Variants in KLF12 observed in about 807,000 individuals in gnomAD.
KLF12 encodes the protein Krueppel-like factor 12.
Under a neutral mutation model 37.8 loss-of-function variants are expected in KLF12, and 9 were observed. That is an observed-to-expected ratio of 0.24 (90% CI 0.14 to 0.42). The LOEUF (loss-of-function observed/expected upper bound fraction) is 0.42, where lower values mean the gene tolerates loss of function less well. Ranked by LOEUF, KLF12 falls within the 10% of genes least tolerant of loss-of-function variation. The pLI, the probability that KLF12 is intolerant of heterozygous loss-of-function variation, is 1.00. For synonymous variants in KLF12, 208 were observed against 202.1 expected (o/e 1.03, Z -0.25); for missense variants, 411 against 516.0 (o/e 0.80, Z 1.97).
chr13:73,969,993 G>A (rs991881371), intron 2 of KLF12, among the ~76,000 whole-genome samples: 1 of 152,100 alleles, frequency 6.6e-6, no homozygotes, highest in African/African-American at 2.4e-5. Flanking sequence ...ATCCCACAGT[G>A]CTTAGTTAGG....
chr13:74,121,905 C>G (rs9592971), intron 1 of KLF12, among the ~76,000 whole-genome samples: 18,939 of 151,960 alleles, frequency 0.12, 1,339 homozygotes, highest in South Asian at 0.18. Context: ...GCTGCTGATA[C>G]AATGGTATGT....
chr13:73,977,777 T>C (rs74327695), intron 2 of KLF12, among the ~76,000 whole-genome samples: 12,725 of 152,214 alleles, frequency 0.084, 772 homozygotes, highest in Admixed American at 0.18. Flanking sequence ...AACAAACAAA[T>C]AGATTAGTGG....
chr13:74,199,647 C>T, the KLF12 span, among the ~76,000 whole-genome samples: 2 of 152,198 alleles, frequency 1.3e-5, no homozygotes, highest in South Asian at 2.1e-4. Flanking sequence ...AACTTTATTG[C>T]CCAATATTTT....
chr13:74,135,893 C>T (rs1324916673), upstream of KLF12, among the ~76,000 whole-genome samples: 1 of 152,190 alleles, frequency 6.6e-6, no homozygotes, highest in Non-Finnish European at 1.5e-5. Context: ...CAGCTGGGCT[C>T]CCCATCGGTG....
At chr13:74,290,844 T>A in the KLF12 span, among the ~76,000 whole-genome samples, 1 of 152,262 alleles carries the variant, frequency 6.6e-6, no homozygotes, top group Non-Finnish European at 1.5e-5. Flanking sequence ...TGCCATTGGA[T>A]GCTAGCTCCG....
intron 1 of KLF12, among the ~76,000 whole-genome samples, chr13:74,108,750 T>C (rs566576169): frequency 3.3e-5 from 5 of 152,302 alleles, no homozygotes; most frequent in Admixed American, 2.6e-4. Flanking sequence ...ATATTTACTA[T>C]TGATTAAGTG....
intron 4 of KLF12, among the ~76,000 whole-genome samples, chr13:73,829,027 G>C (rs1402887253): frequency 6.6e-6 from 1 of 152,114 alleles, no homozygotes; most frequent in Non-Finnish European, 1.5e-5. Flanking sequence ...CCACCACCGA[G>C]TATACTGCCC....
At chr13:74,153,112 G>A in the KLF12 span, among the ~76,000 whole-genome samples, 1 of 148,892 alleles carries the variant, frequency 6.7e-6, no homozygotes, top group African/African-American at 2.5e-5. Flanking sequence ...GAAAATTTGG[G>A]TGTTAAAGAC....
rs1452731938 is a variant in KLF12, at chr13:73,691,043, C to T, written c.*4447G>A. The T allele has an allele frequency of 2.0e-4, 31 of 152,572 alleles. No homozygotes were observed. Among genetic ancestry groups the T allele is most frequent in the Admixed American group, 1.8e-3 (27 of 15,274 alleles). 9.5% of individuals were successfully genotyped at this position (152,572 alleles called of 1,614,324 possible). A position where few individuals can be genotyped will look rare whatever the true frequency, so the allele number is the denominator to read the frequency against. On this transcript the variant is annotated 3_prime_UTR_variant, in exon 8 of 8. Transcript: ENST00000377669. ...ACATTTCTTAACTATAAAATGCAGG[C>T]AGAGTCATATATAGTATTATAAGCC... is the stretch of plus-strand genomic sequence containing the variant.
chr13:73,949,151 G>A (rs1395759713), intron 2 of KLF12, among the ~76,000 whole-genome samples: 2 of 152,106 alleles, frequency 1.3e-5, no homozygotes, highest in East Asian at 3.9e-4. Flanking sequence ...CAGTGAGTGT[G>A]ACCCCAAGCC....
intron 3 of KLF12, among the ~76,000 whole-genome samples, chr13:73,850,511 C>T (rs745377662): frequency 7.9e-5 from 12 of 152,058 alleles, no homozygotes; most frequent in Non-Finnish European, 1.6e-4. Context: ...AAATGATGGT[C>T]GTATATTTTA....
At chr13:74,148,530 G>A in the KLF12 span, among the ~76,000 whole-genome samples, 12 of 133,424 alleles carry the variant, frequency 9.0e-5, no homozygotes, top group Admixed American at 3.4e-4. Context: ...ATCTGCATTG[G>A]CTAAGGTCAA....
the KLF12 span, among the ~76,000 whole-genome samples, chr13:74,250,667 G>A: frequency 2.6e-5 from 4 of 151,934 alleles, no homozygotes; most frequent in South Asian, 2.1e-4. Flanking sequence ...TATCGAACAC[G>A]CCAATGACTG....
At chr13:74,093,784 C>T (rs1053892868) in intron 1 of KLF12, among the ~76,000 whole-genome samples, 2 of 151,532 alleles carry the variant, frequency 1.3e-5, no homozygotes, top group Admixed American at 1.3e-4. Context: ...GATCATTTCT[C>T]TAGGTAAGTA....
chr13:73,750,334 G>A (rs1878656319), intron 6 of KLF12, among the ~76,000 whole-genome samples: 1 of 152,088 alleles, frequency 6.6e-6, no homozygotes, highest in African/African-American at 2.4e-5. Flanking sequence ...TTCAAACTCC[G>A]GGCTTCAGTT....
At chr13:73,778,389 A>T (rs1880756186) in intron 5 of KLF12, among the ~76,000 whole-genome samples, 1 of 151,522 alleles carries the variant, frequency 6.6e-6, no homozygotes. Flanking sequence ...CCTCTGTATG[A>T]CTCCCCGGTC....
chr13:74,241,417 C>G, the KLF12 span, among the ~76,000 whole-genome samples: 1 of 152,204 alleles, frequency 6.6e-6, no homozygotes, highest in East Asian at 1.9e-4. Context: ...GCCCTGCCCC[C>G]AGAGGTGGAG....
chr13:73,708,540 C>G (rs563755628), intron 7 of KLF12, among the ~76,000 whole-genome samples: 1 of 151,910 alleles, frequency 6.6e-6, no homozygotes, highest in African/African-American at 2.4e-5. Flanking sequence ...CTCTTCAGAC[C>G]CTCTTCTAGA....
chr13:74,113,778 T>A (rs1447772687), intron 1 of KLF12, among the ~76,000 whole-genome samples: 1 of 152,230 alleles, frequency 6.6e-6, no homozygotes, highest in African/African-American at 2.4e-5. Context: ...ACACGTTATG[T>A]AAAGATATAC....
Sources: gnomAD v4.1 joint callset for allele counts (sites outside exome capture counted in the v4.1 genomes callset) on GRCh38, gnomAD v4.1.1 for gene constraint, MANE v1.5 for transcripts, NCBI Gene and HGNC (gene_info 2026-07-23, HGNC 2026-07-21) for gene names.